AFG1L: variants seen among roughly 807,000 people sequenced by gnomAD.
AFG1L encodes AFG1-like ATPase.
A neutral mutation model predicts 62.2 loss-of-function variants in AFG1L; 53 were observed. The observed-to-expected ratio is 0.85, with a 90% CI of 0.68 to 1.07. The LOEUF (loss-of-function observed/expected upper bound fraction) is 1.07, where lower values mean the gene tolerates loss of function less well. AFG1L is among the 50% of genes least tolerant of loss of function. The probability of loss-of-function intolerance (pLI) is 0.00; values close to 1 mark genes in which losing one functional copy is unlikely to be tolerated. For missense variants in AFG1L, 555 were observed against 590.5 expected, an observed-to-expected ratio of 0.94 and a Z score of 0.62; for synonymous variants, 228 against 210.3, an observed-to-expected ratio of 1.08 and a Z score of -0.73.
intron 1 of AFG1L, among the ~76,000 whole-genome samples, chr6:108,323,058 G>A (rs1777875830): frequency 6.6e-6 from 1 of 152,228 alleles, no homozygotes; most frequent in South Asian, 2.1e-4. Flanking sequence ...TGAAATCGAT[G>A]TGGTAATATC....
chr6:108,468,938 C>T (rs1311915730), intron 8 of AFG1L, among the ~76,000 whole-genome samples: 1 of 151,980 alleles, frequency 6.6e-6, no homozygotes, highest in Non-Finnish European at 1.5e-5. Context: ...TTATTCTCTC[C>T]AAGCATATTA....
rs2114751145 is a variant in AFG1L at position 108,447,290 on chromosome 6, A to G, written c.884A>G (p.Tyr295Cys). Residue 295 changes from tyrosine (Y) to cysteine (C), a missense_variant, in exon 8 of 13, where the codon TAC becomes TGC. Transcript: ENST00000368977. Reference sequence around the variant, plus strand: ...GAACTTCCTGCTGCAGGAAAACTCTACTACCTGTAAGTGTTTCTAATTTTT... The same window carrying G: ...GAACTTCCTGCTGCAGGAAAACTCTGCTACCTGTAAGTGTTTCTAATTTTT... ...KRELPAAGKL[Y>C]YLTSEADVEA... 1 of 1,581,536 alleles carries G rather than the reference A, an allele frequency of 6.3e-7. No homozygotes were observed. The highest frequency in any genetic ancestry group is 2.2e-5 in the East Asian group (1 of 44,582).
intron 10 of AFG1L, among the ~76,000 whole-genome samples, chr6:108,507,150 C>T (rs1040836642): frequency 2.6e-5 from 4 of 152,078 alleles, no homozygotes; most frequent in Non-Finnish European, 5.9e-5. Context: ...AATGAATAAC[C>T]TCTCCTTGTT....
chr6:108,395,663 A>C (rs1283552), intron 6 of AFG1L, among the ~76,000 whole-genome samples: 3,375 of 151,752 alleles, frequency 0.022, 114 homozygotes, highest in African/African-American at 0.074. Flanking sequence ...TGGCCTCCTA[A>C]AGTGCTGGAA....
At chr6:108,312,587 A>G (rs529307716) in intron 1 of AFG1L, among the ~76,000 whole-genome samples, 8 of 152,274 alleles carry the variant, frequency 5.3e-5, no homozygotes, top group Admixed American at 2.6e-4. Context: ...AAAAAAGAAT[A>G]TCAATACAAT....
intron 6 of AFG1L, among the ~76,000 whole-genome samples, chr6:108,366,706 A>G (rs563399025): frequency 1.3e-5 from 2 of 152,140 alleles, no homozygotes; most frequent in African/African-American, 4.8e-5. Context: ...TTAGAAAAAG[A>G]CCGAAAACTT....
At chr6:108,492,132 G>A (rs1773800373) in intron 10 of AFG1L, among the ~76,000 whole-genome samples, 1 of 151,966 alleles carries the variant, frequency 6.6e-6, no homozygotes, top group African/African-American at 2.4e-5. Context: ...ATCTCTTTTT[G>A]TGCCACTTAG....
intron 6 of AFG1L, among the ~76,000 whole-genome samples, chr6:108,370,856 A>C (rs1779973390): frequency 6.6e-6 from 1 of 151,994 alleles, no homozygotes; most frequent in Non-Finnish European, 1.5e-5. Context: ...CTTCTGCTTC[A>C]TTCATCTCAT....
At chr6:108,490,732 A>G (rs1773743363) in intron 10 of AFG1L, among the ~76,000 whole-genome samples, 2 of 152,200 alleles carry the variant, frequency 1.3e-5, no homozygotes, top group Admixed American at 6.5e-5. Context: ...ATTAAAGCCA[A>G]CGATGCTTTG....
chr6:108,324,268 T>A (rs1777943385), intron 2 of AFG1L, among the ~76,000 whole-genome samples: 1 of 152,204 alleles, frequency 6.6e-6, no homozygotes, highest in South Asian at 2.1e-4. Context: ...ATTTAAAAAA[T>A]GCAGTCCAGT....
At chr6:108,338,032 A>G (rs926231331) in intron 2 of AFG1L, among the ~76,000 whole-genome samples, 3 of 152,126 alleles carry the variant, frequency 2.0e-5, no homozygotes, top group East Asian at 3.9e-4. Context: ...CAAAAAATGT[A>G]AAAATTAGCT....
chr6:108,444,229 T>C (rs774226703), intron 7 of AFG1L, among the ~76,000 whole-genome samples: 41 of 152,198 alleles, frequency 2.7e-4, no homozygotes, highest in Non-Finnish European at 4.9e-4. Flanking sequence ...GTTATATTTA[T>C]ACTATACTAT....
chr6:108,356,744 A>G lies in AFG1L; in HGVS notation c.572A>G (p.Lys191Arg). ...LPKRKPGFMA[K>R]SYDPIAPIAE... ...AAAAGGAAACCAGGATTCATGGCTA[A>G]ATCATATGACCCAATAGCTCCCATA... Residue 191 changes from lysine (K) to arginine (R), a missense_variant, in exon 5 of 13, where the codon AAA (lysine) becomes AGA (arginine). By Grantham distance (26) the Lys-to-Arg change is conservative (BLOSUM62 2). Coordinates refer to ENST00000368977, the MANE Select transcript of AFG1L (RefSeq NM_145315.5). 1 of 1,613,410 alleles carries G rather than the reference A, an allele frequency of 6.2e-7. No homozygotes were observed.
At chr6:108,405,943 T>G (rs114734252) in intron 7 of AFG1L, among the ~76,000 whole-genome samples, 321 of 152,370 alleles carry the variant, frequency 2.1e-3, no homozygotes, top group African/African-American at 7.4e-3. Context: ...TTATGCATGT[T>G]GTAACATGTG....
intron 3 of AFG1L, among the ~76,000 whole-genome samples, chr6:108,352,774 C>T (rs182307120): frequency 2.0e-5 from 3 of 152,022 alleles, no homozygotes; most frequent in East Asian, 1.9e-4. Context: ...CCATATCACC[C>T]GGGCTGGTCT....
Position 108,401,207 on chromosome 6 carries a change from A to G in AFG1L, c.749-789A>G, listed in dbSNP as rs374209510. Among the ~76,000 whole-genome samples the G allele has an allele frequency of 5.3e-5, 8 of 149,764 alleles. No homozygotes were observed. In the East Asian group the frequency reaches 7.9e-4, roughly 15 times the overall value. On this transcript the variant is annotated intron_variant, in intron 6 of 12. Coordinates refer to ENST00000368977, the MANE Select transcript of AFG1L (RefSeq NM_145315.5). ...CCGGACTGCGGACTGCAGTGGCGCA[A>G]TCTCGGCTCACTGCAAGCTCCGCTT... is the stretch of plus-strand genomic sequence containing the variant.
intron 10 of AFG1L, among the ~76,000 whole-genome samples, chr6:108,481,453 C>T (rs1773318689): frequency 6.6e-6 from 1 of 152,162 alleles, no homozygotes; most frequent in South Asian, 2.1e-4. Flanking sequence ...CTCTCTGTAA[C>T]ACTTCTTGGC....
chr6:108,358,713 T>C (rs577054421), intron 5 of AFG1L, among the ~76,000 whole-genome samples: 1 of 152,232 alleles, frequency 6.6e-6, no homozygotes, highest in East Asian at 1.9e-4. Context: ...TTTGTATTTT[T>C]AGTAGAGACG....
intron 6 of AFG1L, among the ~76,000 whole-genome samples, chr6:108,376,503 G>T (rs1320693595): frequency 6.6e-6 from 1 of 151,954 alleles, no homozygotes; most frequent in Non-Finnish European, 1.5e-5. Flanking sequence ...TTTGATTTCA[G>T]CCTTGATTTT....
Sources: gnomAD v4.1 joint callset for allele counts (sites outside exome capture counted in the v4.1 genomes callset) on GRCh38, gnomAD v4.1.1 for gene constraint, MANE v1.5 for transcripts, NCBI Gene and HGNC (gene_info 2026-07-23, HGNC 2026-07-21) for gene names.